Variants in RIC1 observed in about 807,000 individuals in gnomAD.
RIC1 encodes guanine nucleotide exchange factor subunit RIC1.
RIC1 carries 88 observed loss-of-function variants against 169.0 expected under a neutral mutation model. The ratio of observed to expected loss-of-function variants is 0.52; its 90% CI spans 0.44 to 0.62. The LOEUF is 0.62. Ranked by LOEUF, RIC1 falls within the 20% of genes least tolerant of loss-of-function variation. The pLI, the probability that RIC1 is intolerant of heterozygous loss-of-function variation, is 0.00. For missense variants in RIC1, 1,877 were observed against 1,725.5 expected (o/e 1.09, Z -1.56); for synonymous variants, 790 against 601.5 (o/e 1.31, Z -4.59).
At chr9:5,652,319 G>T (rs1372271186) in intron 1 of RIC1, among the ~76,000 whole-genome samples, 2 of 152,164 alleles carry the variant, frequency 1.3e-5, no homozygotes, top group African/African-American at 4.8e-5. Context: ...CAATTTAACA[G>T]TATTAATTTT....
At chr9:5,673,634 C>T (rs551487461) in intron 2 of RIC1, among the ~76,000 whole-genome samples, 1 of 149,602 alleles carries the variant, frequency 6.7e-6, no homozygotes, top group Non-Finnish European at 1.5e-5. Flanking sequence ...AAATAAGAAA[C>T]TTCCATACTT....
rs1827524024 is a variant in RIC1, at chr9:5,775,359, A to G, written c.*1113A>G. ...CTAGAAATGACTTAAATTTGTTTTC[A>G]TACATTATGAAAACAACTGCATACT... On this transcript the variant is annotated 3_prime_UTR_variant, in exon 26 of 26. Transcript: ENST00000414202. 6.6e-6 allele frequency: 1 copy of G among 152,214 alleles called. No homozygotes were observed. Among genetic ancestry groups the G allele is most frequent in the African/African-American group, 2.4e-5 (1 of 41,458 alleles). 9.4% of individuals were successfully genotyped at this position (152,214 alleles called of 1,614,324 possible).
intron 6 of RIC1, among the ~76,000 whole-genome samples, chr9:5,729,635 C>CA (rs1235628472): frequency 8.5e-5 from 13 of 152,074 alleles, no homozygotes; most frequent in Non-Finnish European, 1.3e-4. Context: ...TATTTATATT[C>CA]AGTCATCTCT....
At chr9:5,695,639 C>G (rs2130742294) in intron 3 of RIC1, among the ~76,000 whole-genome samples, 1 of 142,486 alleles carries the variant, frequency 7.0e-6, no homozygotes, top group South Asian at 2.2e-4. Context: ...GTGGCGTGAT[C>G]TTGGCTCCCT....
chr9:5,713,774 C>A, intron 3 of RIC1, 122 bp from the exon 4 acceptor site: 3 of 547,934 alleles, frequency 5.5e-6, no homozygotes, highest in Non-Finnish European at 9.8e-6. Flanking sequence ...ATTTGAGAAT[C>A]TGAAGGATGA....
At chr9:5,726,304 G>A (rs942815022) in intron 6 of RIC1, among the ~76,000 whole-genome samples, 1 of 152,194 alleles carries the variant, frequency 6.6e-6, no homozygotes, top group Non-Finnish European at 1.5e-5. Flanking sequence ...TTAGCATTAT[G>A]CAATGGCCTT....
intron 8 of RIC1, 44 bp from the exon 9 acceptor site, chr9:5,742,819 ATTTCTG>A (rs1241232885): frequency 1.4e-6 from 2 of 1,448,178 alleles, no homozygotes; most frequent in Admixed American, 2.1e-5. Flanking sequence ...AAAAACAAGT[ATTTCTG>A]AAGCAACTAT....
intron 12 of RIC1, among the ~76,000 whole-genome samples, chr9:5,749,242 C>T (rs1231668924): frequency 6.6e-6 from 1 of 152,170 alleles, no homozygotes; most frequent in Non-Finnish European, 1.5e-5. Flanking sequence ...ACACCACTGA[C>T]CTTGAGCTAA....
intron 2 of RIC1, among the ~76,000 whole-genome samples, chr9:5,682,530 T>G (rs926283194): frequency 2.2e-4 from 33 of 152,240 alleles, no homozygotes; most frequent in Non-Finnish European, 7.3e-5. Flanking sequence ...AGAGATCGGC[T>G]GTTAGTCTGA....
chr9:5,646,611 A>G (rs1818528918), intron 1 of RIC1, among the ~76,000 whole-genome samples: 1 of 152,192 alleles, frequency 6.6e-6, no homozygotes, highest in African/African-American at 2.4e-5. Context: ...CTTATAGCCA[A>G]GGTGTGTAGT....
intron 3 of RIC1, among the ~76,000 whole-genome samples, chr9:5,706,648 A>G (rs191729104): frequency 6.6e-6 from 1 of 152,198 alleles, no homozygotes. Context: ...GTCTATTCAT[A>G]TGTTTTATTT....
chr9:5,633,548 T>C (rs1269587461), intron 1 of RIC1, among the ~76,000 whole-genome samples: 1 of 152,206 alleles, frequency 6.6e-6, no homozygotes, highest in Non-Finnish European at 1.5e-5. Context: ...TGTTCATTTT[T>C]CTGATGAACT....
intron 3 of RIC1, among the ~76,000 whole-genome samples, chr9:5,699,499 T>C (rs1822095972): frequency 6.6e-6 from 1 of 152,114 alleles, no homozygotes; most frequent in Non-Finnish European, 1.5e-5. Flanking sequence ...CAATGTCTTT[T>C]TTTTTTTTTC....
At chr9:5,717,345 A>C (rs1357993447) in intron 4 of RIC1, among the ~76,000 whole-genome samples, 1 of 152,038 alleles carries the variant, frequency 6.6e-6, no homozygotes, top group Non-Finnish European at 1.5e-5. Flanking sequence ...GGGGAGAGGG[A>C]GAATGTAGTT....
At chr9:5,742,844 A>T in intron 8 of RIC1, 25 bp from the exon 9 acceptor site, 1 of 1,536,160 alleles carries the variant, frequency 6.5e-7, no homozygotes, top group East Asian at 2.4e-5. Context: ...ATTTATTTTT[A>T]ACTCTTCTCA....
intron 2 of RIC1, among the ~76,000 whole-genome samples, chr9:5,681,801 G>T (rs1483843790): frequency 6.6e-6 from 1 of 152,138 alleles, no homozygotes; most frequent in Admixed American, 6.5e-5. Context: ...GGTCAGCAAG[G>T]ACTTGCTTTA....
rs745673349 is a variant in RIC1, at chr9:5,738,476, A to G, written c.839A>G (p.Asp280Gly). Residue 280 changes from aspartate (D) to glycine (G), a missense_variant, in exon 8 of 26, where the codon GAT becomes GGT. By Grantham distance (94) the Asp-to-Gly change is moderately conservative (BLOSUM62 -1). Transcript: ENST00000414202. ...GGTTCTGTGCAGGTCTATACAATAG[A>G]TAACAGCACTGGAGCCATGCTGCTA... ...VSGSVQVYTI[D>G]NSTGAMLLSH... 1 of 1,606,498 alleles carries G rather than the reference A, an allele frequency of 6.2e-7. No homozygotes were observed. Among genetic ancestry groups the G allele is most frequent in the Non-Finnish European group, 8.5e-7 (1 of 1,177,970 alleles).
chr9:5,721,463 C>T (rs535570525), intron 6 of RIC1, among the ~76,000 whole-genome samples: 3 of 152,328 alleles, frequency 2.0e-5, no homozygotes, highest in East Asian at 3.9e-4. Context: ...CACACACACA[C>T]GCTGAAGAGC....
At chr9:5,659,255 A>G (rs1819298821) in intron 2 of RIC1, among the ~76,000 whole-genome samples, 1 of 152,064 alleles carries the variant, frequency 6.6e-6, no homozygotes, top group Non-Finnish European at 1.5e-5. Flanking sequence ...TCATTGTTAT[A>G]TATGTCTGTC....
Sources: gnomAD v4.1 joint callset for allele counts (sites outside exome capture counted in the v4.1 genomes callset) on GRCh38, gnomAD v4.1.1 for gene constraint, MANE v1.5 for transcripts, NCBI Gene and HGNC (gene_info 2026-07-23, HGNC 2026-07-21) for gene names.